The following RGPD1 variants were observed in gnomAD, a reference collection of about 807,000 sequenced individuals.
The protein encoded by RGPD1 is RANBP2-like and GRIP domain-containing protein 1.
In RGPD1, 7 loss-of-function variants were observed where a neutral mutation model predicts 40.6. The observed-to-expected ratio is 0.17, with a 90% CI of 0.10 to 0.32. The LOEUF (loss-of-function observed/expected upper bound fraction) is 0.32, where lower values mean the gene tolerates loss of function less well. Among genes scored for constraint, RGPD1 ranks in the 10% least tolerant of loss-of-function variants. The pLI is 1.00. For missense variants in RGPD1, 50 were observed against 472.5 expected (o/e 0.11, Z 8.29); for synonymous variants, 24 against 167.0 (o/e 0.14, Z 6.60).
At chr2:86,920,061 ATTTTC>A (rs1444890770) in intron 1 of RGPD1, among the ~76,000 whole-genome samples, 13 of 152,072 alleles carry the variant, frequency 8.5e-5, no homozygotes, top group Middle Eastern at 3.4e-3. Context: ...AATAGGGACA[ATTTTC>A]TTTTCTTTTC....
intron 6 of RGPD1, among the ~76,000 whole-genome samples, chr2:86,960,629 G>A (rs1680911846): frequency 7.9e-6 from 1 of 125,972 alleles, no homozygotes; most frequent in Non-Finnish European, 1.6e-5. Context: ...TCGCTCTGTT[G>A]CCCAGGCTGG....
At position 87,013,387 on chromosome 2, in the gene RGPD1, G is replaced by T. The variant is rs1682268670; in HGVS notation, c.*840G>T. On this transcript the variant is annotated 3_prime_UTR_variant, in exon 23 of 23. Transcript: ENST00000641458. ...CACACGGGGCACAGTGCAGCCAGAG[G>T]CTTGGCCATCATAGAGCTCACATTC... The T allele has an allele frequency of 7.5e-6, 1 of 133,792 alleles. No homozygotes were observed. Among genetic ancestry groups the T allele is most frequent in the Non-Finnish European group, 1.4e-5 (1 of 73,250 alleles). The allele number at this position is 133,792 out of a possible 1,614,324, so 8.3% of individuals were successfully genotyped here. A position where few individuals can be genotyped will look rare whatever the true frequency, so the allele number is the denominator to read the frequency against.
chr2:86,913,748 C>T (rs536824626), upstream of RGPD1: 77 of 1,372,356 alleles, frequency 5.6e-5, 1 homozygote, highest in Non-Finnish European at 3.5e-5. Context: ...GGTCCTCCGC[C>T]GGCTACGTCA....
chr2:86,933,433 GAT>G (rs1218442674), intron 1 of RGPD1, among the ~76,000 whole-genome samples: 2 of 149,384 alleles, frequency 1.3e-5, no homozygotes, highest in African/African-American at 4.9e-5. Context: ...TTGAAATTAT[GAT>G]ATAAAATTTC....
At chr2:86,984,907 C>T in intron 19 of RGPD1, 59 bp downstream of exon 19, 1 of 65,188 alleles carries the variant, frequency 1.5e-5, no homozygotes, top group Non-Finnish European at 1.8e-5. Flanking sequence ...GTTTAGGGTT[C>T]CTTCAAATAA....
upstream of RGPD1, among the ~76,000 whole-genome samples, chr2:86,941,040 A>T (rs1474993627): frequency 1.3e-5 from 2 of 150,808 alleles, no homozygotes; most frequent in Non-Finnish European, 3.0e-5. Context: ...ATTATATCAA[A>T]ATTTAGAAAA....
chr2:86,939,086 T>C (rs73950327), upstream of RGPD1, among the ~76,000 whole-genome samples: 12,125 of 112,700 alleles, frequency 0.11, 1,326 homozygotes, highest in African/African-American at 0.34. Flanking sequence ...AAATGAACTG[T>C]ATTTGCAACA....
At chr2:86,941,072 A>G (rs1438201169), upstream of RGPD1, among the ~76,000 whole-genome samples, 1 of 151,722 alleles carries the variant, frequency 6.6e-6, no homozygotes, top group Non-Finnish European at 1.5e-5. Context: ...AAAAAGGATA[A>G]AAAATTATCC....
intron 1 of RGPD1, among the ~76,000 whole-genome samples, chr2:86,923,382 A>G (rs1389196151): frequency 6.6e-6 from 1 of 151,460 alleles, no homozygotes; most frequent in Non-Finnish European, 1.5e-5. Flanking sequence ...GTTTTTTTAA[A>G]TTGTGGTGTA....
chr2:86,939,450 G>A (rs1407273016), upstream of RGPD1, among the ~76,000 whole-genome samples: 3 of 149,904 alleles, frequency 2.0e-5, no homozygotes, highest in East Asian at 2.0e-4. Context: ...GTGATGGCAC[G>A]TACCTGTAAT....
upstream of RGPD1, among the ~76,000 whole-genome samples, chr2:86,938,612 AAAT>A (rs1558795924): frequency 1.4e-5 from 2 of 145,080 alleles, no homozygotes; most frequent in South Asian, 2.1e-4. Context: ...AAAAAAAAAA[AAAT>A]AAATAAATAA....
upstream of RGPD1, among the ~76,000 whole-genome samples, chr2:86,940,660 A>G (rs1679669872): frequency 6.6e-6 from 1 of 151,558 alleles, no homozygotes; most frequent in African/African-American, 2.4e-5. Context: ...CAAAGGCATG[A>G]ACATAACTCA....
chr2:86,945,018 AT>A (rs11300390), intron 1 of RGPD1, among the ~76,000 whole-genome samples: 53,588 of 141,730 alleles, frequency 0.38, 9,935 homozygotes, highest in East Asian at 0.46. Flanking sequence ...GCTCAGCCTG[AT>A]TTTTTTTTTT....
At chr2:86,920,128 G>A (rs1678040136) in intron 1 of RGPD1, among the ~76,000 whole-genome samples, 1 of 151,898 alleles carries the variant, frequency 6.6e-6, no homozygotes, top group East Asian at 1.9e-4. Context: ...GGAATGCAGT[G>A]GCGTTATCCT....
At chr2:86,934,537 CAT>C (rs1392883940) in intron 1 of RGPD1, 1 of 144,040 alleles carries the variant, frequency 6.9e-6, no homozygotes, top group Non-Finnish European at 1.4e-5. Flanking sequence ...GTTTTGAAAA[CAT>C]AATACCAGAA....
At chr2:86,941,776 TCTC>T (rs1173239149), upstream of RGPD1, among the ~76,000 whole-genome samples, 4 of 150,340 alleles carry the variant, frequency 2.7e-5, no homozygotes, top group African/African-American at 9.9e-5. Context: ...AGTGGCGCGA[TCTC>T]AGCTCACTGC....
At chr2:86,997,799 TA>T in intron 22 of RGPD1, 41 bp downstream of exon 22, 2 of 582,264 alleles carry the variant, frequency 3.4e-6, no homozygotes, top group Non-Finnish European at 6.1e-6. Context: ...ACTTCTAACT[TA>T]AACTAAACAG....
At chr2:86,931,968 T>TATATAATATTCATATTATATATAC (rs1679013482) in intron 1 of RGPD1, among the ~76,000 whole-genome samples, 2 of 145,596 alleles carry the variant, frequency 1.4e-5, no homozygotes, top group Middle Eastern at 3.7e-3. Flanking sequence ...TATATATATA[T>TATATAATATTCATATTATATATAC]TTATATATAA....
intron 1 of RGPD1, among the ~76,000 whole-genome samples, chr2:86,944,136 T>C (rs1354193647): frequency 2.6e-5 from 4 of 152,196 alleles, no homozygotes; most frequent in African/African-American, 9.6e-5. Context: ...AGCAACCCTG[T>C]GGATATTGAG....
Sources: gnomAD v4.1 joint callset for allele counts (sites outside exome capture counted in the v4.1 genomes callset) on GRCh38, gnomAD v4.1.1 for gene constraint, MANE v1.5 for transcripts, NCBI Gene and HGNC (gene_info 2026-07-23, HGNC 2026-07-21) for gene names.